The following MAGI2 variants were observed in gnomAD, a reference collection of about 807,000 sequenced individuals.
MAGI2 encodes membrane-associated guanylate kinase, WW and PDZ domain-containing protein 2.
MAGI2 carries 35 observed loss-of-function variants against 133.3 expected under a neutral mutation model. That is an observed-to-expected ratio of 0.26 (90% CI 0.20 to 0.35). The LOEUF (loss-of-function observed/expected upper bound fraction) is 0.35. MAGI2 is among the 10% of genes least tolerant of loss of function. MAGI2 has a pLI of 1.00. For missense variants in MAGI2, 1,636 were observed against 1,863.4 expected, an observed-to-expected ratio of 0.88 and a Z score of 2.25; for synonymous variants, 729 against 710.6, an observed-to-expected ratio of 1.03 and a Z score of -0.41.
At chr7:78,483,293 G>T (rs1301714178) in intron 6 of MAGI2, among the ~76,000 whole-genome samples, 2 of 151,850 alleles carry the variant, frequency 1.3e-5, no homozygotes, top group Non-Finnish European at 2.9e-5. Context: ...TTTAAAAGTT[G>T]TATGCATTGA....
At chr7:78,634,277 A>C (rs1584916507) in intron 2 of MAGI2, among the ~76,000 whole-genome samples, 3 of 152,254 alleles carry the variant, frequency 2.0e-5, no homozygotes, top group African/African-American at 7.2e-5. Flanking sequence ...CCTATGGCCT[A>C]GGCTGCTAGA....
chr7:78,637,098 C>T (rs1280960583), intron 2 of MAGI2, among the ~76,000 whole-genome samples: 1 of 152,178 alleles, frequency 6.6e-6, no homozygotes, highest in Non-Finnish European at 1.5e-5. Context: ...ATAACTACAA[C>T]AATCCATAAA....
intron 1 of MAGI2, among the ~76,000 whole-genome samples, chr7:79,283,319 C>T (rs149740136): frequency 6.6e-6 from 1 of 152,202 alleles, no homozygotes; most frequent in African/African-American, 2.4e-5. Flanking sequence ...CCTCAGATTT[C>T]AATTTCTCAA....
chr7:78,867,972 G>C (rs1286615587), intron 2 of MAGI2, among the ~76,000 whole-genome samples: 3 of 151,824 alleles, frequency 2.0e-5, no homozygotes, highest in Admixed American at 6.6e-5. Flanking sequence ...GACCAACGAA[G>C]AGTGAAAAAA....
intron 1 of MAGI2, among the ~76,000 whole-genome samples, chr7:79,142,269 T>G (rs1822209214): frequency 6.6e-6 from 1 of 152,174 alleles, no homozygotes; most frequent in Non-Finnish European, 1.5e-5. Flanking sequence ...TGGTTCATGT[T>G]TTTACACCAG....
chr7:78,181,619 C>A (rs1050638528), intron 13 of MAGI2, among the ~76,000 whole-genome samples: 4 of 152,150 alleles, frequency 2.6e-5, no homozygotes, highest in African/African-American at 9.7e-5. Flanking sequence ...GATCCTCAGG[C>A]ATTATGGAAC....
chr7:78,885,163 T>C (rs979229023), intron 2 of MAGI2, among the ~76,000 whole-genome samples: 2 of 152,060 alleles, frequency 1.3e-5, no homozygotes, highest in African/African-American at 4.8e-5. Context: ...AGAGAGAGCA[T>C]AGGAGAGGGG....
At chr7:78,916,383 C>T (rs1308123322) in intron 2 of MAGI2, among the ~76,000 whole-genome samples, 1 of 151,900 alleles carries the variant, frequency 6.6e-6, no homozygotes, top group Admixed American at 6.6e-5. Context: ...TAATTAAGAC[C>T]AGACTATGTT....
At chr7:78,626,826 ATGTGTGTGTGTGTGTGTGTGTG>A (rs71085549) in intron 3 of MAGI2, among the ~76,000 whole-genome samples, 2 of 148,362 alleles carry the variant, frequency 1.3e-5, no homozygotes, top group Non-Finnish European at 3.0e-5. Context: ...GAATACTTCA[ATGTGTGTGTGTGTGTGTGTGTG>A]TGTGTGTGTG....
intron 2 of MAGI2, among the ~76,000 whole-genome samples, chr7:78,772,406 GATTCTTA>G: frequency 6.6e-6 from 1 of 152,316 alleles, no homozygotes; most frequent in East Asian, 1.9e-4. Context: ...TCTGTCCACG[GATTCTTA>G]ATTCAGGAGC....
chr7:79,129,450 T>C (rs775366492), intron 1 of MAGI2, among the ~76,000 whole-genome samples: 2 of 152,208 alleles, frequency 1.3e-5, no homozygotes, highest in Non-Finnish European at 2.9e-5. Context: ...TTTTTAGCAC[T>C]TTGGTTAGCA....
chr7:79,203,646 G>C (rs569537158), intron 1 of MAGI2, among the ~76,000 whole-genome samples: 1 of 151,976 alleles, frequency 6.6e-6, no homozygotes, highest in Non-Finnish European at 1.5e-5. Flanking sequence ...TATGTTGTAC[G>C]TTTATATATA....
intron 21 of MAGI2, chr7:78,026,112 A>C (rs1044126557): frequency 3.3e-5 from 5 of 152,582 alleles, no homozygotes; most frequent in African/African-American, 1.2e-4. Flanking sequence ...TTCCTAGAAA[A>C]CAGATTGATT....
rs116300857 is a variant in MAGI2 at position 79,082,527 on chromosome 7, C to T, written c.302-75321G>A. ...GGCATTCTTGTCAAAAATCAATTGA[C>T]CACATGTGTATGCATTTATTTCTGG... On this transcript the variant is annotated intron_variant, in intron 1 of 21. Coordinates refer to ENST00000354212, the MANE Select transcript of MAGI2 (RefSeq NM_012301.4). Among the ~76,000 whole-genome samples, 1,023 of 152,138 alleles carry T rather than the reference C, an allele frequency of 6.7e-3. 12 individuals carry two copies. Among genetic ancestry groups the T allele is most frequent in the African/African-American group, 0.023 (954 of 41,534 alleles).
intron 1 of MAGI2, among the ~76,000 whole-genome samples, chr7:79,241,609 A>T (rs906185716): frequency 6.6e-6 from 1 of 152,210 alleles, no homozygotes; most frequent in Non-Finnish European, 1.5e-5. Context: ...AACTGACCCC[A>T]TCTTTGTTTT....
chr7:78,754,038 A>T (rs1385741092), intron 2 of MAGI2, among the ~76,000 whole-genome samples: 2 of 152,156 alleles, frequency 1.3e-5, no homozygotes, highest in African/African-American at 4.8e-5. Context: ...GAGAAAACTG[A>T]TATCTGATGG....
intron 2 of MAGI2, among the ~76,000 whole-genome samples, chr7:78,674,384 T>G (rs938459184): frequency 2.0e-5 from 3 of 152,072 alleles, no homozygotes; most frequent in Non-Finnish European, 2.9e-5. Flanking sequence ...CAAATACTTA[T>G]GGCATGCCTA....
chr7:78,698,491 T>A (rs767996797), intron 2 of MAGI2, among the ~76,000 whole-genome samples: 1 of 152,214 alleles, frequency 6.6e-6, no homozygotes, highest in Non-Finnish European at 1.5e-5. Context: ...TTCACTGTAT[T>A]TATGGCATGT....
At position 78,125,720 on chromosome 7, in the gene MAGI2, G is replaced by GTCC; in HGVS notation, c.3538_3540dup (p.Gly1180dup). 6.2e-7 allele frequency: 1 copy of GTCC among 1,614,004 alleles called. No individual in the cohort carries two copies. ...CTCATCCTCCCATTCCTTATTGCTG[G>GTCC]TCCATCTTCTGCCAGTCTCAACACA... On this transcript the variant is annotated inframe_insertion, in exon 20 of 22. Transcript: ENST00000354212.
Sources: allele counts gnomAD v4.1 joint callset (sites outside exome capture counted in the v4.1 genomes callset), GRCh38; gene constraint gnomAD v4.1.1; transcripts MANE v1.5; gene names NCBI Gene and HGNC (gene_info 2026-07-23, HGNC 2026-07-21).